Variants in TXLNB observed in about 807,000 individuals in gnomAD.
TXLNB encodes taxilin beta, also known as beta-taxilin.
In TXLNB, 37 loss-of-function variants were observed where a neutral mutation model predicts 57.4. That is an observed-to-expected ratio of 0.64 (90% CI 0.50 to 0.85). TXLNB has a LOEUF of 0.85. Ranked by LOEUF, TXLNB falls within the 40% of genes least tolerant of loss-of-function variation. The pLI is 0.00. For synonymous variants in TXLNB, 302 were observed against 309.6 expected, an observed-to-expected ratio of 0.98 and a Z score of 0.26; for missense variants, 848 against 825.6, an observed-to-expected ratio of 1.03 and a Z score of -0.33.
At chr6:139,196,365 G>GTTTTTT in the TXLNB span, among the ~76,000 whole-genome samples, 9 of 38,992 alleles carry the variant, frequency 2.3e-4, 1 homozygote, top group East Asian at 1.2e-3. Flanking sequence ...TCCAGATCTG[G>GTTTTTT]TTTTTTTTTT....
At chr6:139,292,084 G>GCACACACACACACACACA (rs878855898), upstream of TXLNB, 2 of 144,588 alleles carry the variant, frequency 1.4e-5, no homozygotes, top group South Asian at 2.1e-4. This position sits in a 1 kb window ranked among gnomAD's most constrained non-coding sequence, Gnocchi z 4.0. Context: ...ACGCACGCGC[G>GCACACACACACACACACA]CGCACACACA....
At chr6:139,286,547 C>T (rs531901594) in intron 2 of TXLNB, among the ~76,000 whole-genome samples, 7 of 152,294 alleles carry the variant, frequency 4.6e-5, no homozygotes, top group East Asian at 3.9e-4. Flanking sequence ...CAGTGGCTCA[C>T]GTCTGCAATC....
chr6:139,309,534 C>T, the TXLNB span, among the ~76,000 whole-genome samples: 21 of 152,186 alleles, frequency 1.4e-4, no homozygotes, highest in African/African-American at 5.1e-4. Context: ...TAGCATGTGA[C>T]CTTGTACAAA....
chr6:139,260,931 C>A (rs530984681), intron 5 of TXLNB, among the ~76,000 whole-genome samples: 2 of 152,154 alleles, frequency 1.3e-5, no homozygotes, highest in Non-Finnish European at 1.5e-5. Flanking sequence ...CTTGGGGTGC[C>A]AGCATGTGGT....
At chr6:139,163,398 A>T in the TXLNB span, among the ~76,000 whole-genome samples, 14 of 148,122 alleles carry the variant, frequency 9.5e-5, no homozygotes, top group Non-Finnish European at 1.8e-4. Flanking sequence ...TGTGCCACTC[A>T]GGCTGGTGTG....
At chr6:139,252,039 A>AT (rs11450296) in intron 7 of TXLNB, among the ~76,000 whole-genome samples, 2,232 of 152,266 alleles carry the variant, frequency 0.015, 57 homozygotes, top group African/African-American at 0.051. Flanking sequence ...TGAACACTCG[A>AT]TTTTGTAGTG....
chr6:139,187,160 C>G, the TXLNB span, among the ~76,000 whole-genome samples: 23 of 152,276 alleles, frequency 1.5e-4, no homozygotes, highest in South Asian at 8.3e-4. Context: ...TCTTCTCCCC[C>G]CTGCACCTCC....
At chr6:139,265,000 C>T (rs1414762221) in intron 4 of TXLNB, among the ~76,000 whole-genome samples, 2 of 152,042 alleles carry the variant, frequency 1.3e-5, no homozygotes, top group African/African-American at 4.8e-5. Flanking sequence ...TATTCAAAGT[C>T]AAAATAATGT....
the TXLNB span, among the ~76,000 whole-genome samples, chr6:139,309,988 T>A: frequency 6.6e-6 from 1 of 152,186 alleles, no homozygotes; most frequent in East Asian, 1.9e-4. Context: ...TCGAAACAGA[T>A]AAAGACCTAA....
chr6:139,224,497 G>T, the TXLNB span, among the ~76,000 whole-genome samples: 1 of 151,692 alleles, frequency 6.6e-6, no homozygotes, highest in Non-Finnish European at 1.5e-5. Flanking sequence ...AAAATATTTG[G>T]TCTGTGAACA....
the TXLNB span, among the ~76,000 whole-genome samples, chr6:139,194,008 A>T: frequency 6.7e-6 from 1 of 150,292 alleles, no homozygotes; most frequent in African/African-American, 2.4e-5. Flanking sequence ...CGCCCGGCCA[A>T]TTTTTTGTAT....
chr6:139,229,103 T>G, the TXLNB span, among the ~76,000 whole-genome samples: 1 of 152,186 alleles, frequency 6.6e-6, no homozygotes, highest in African/African-American at 2.4e-5. Context: ...CTTTGCTAAA[T>G]AATTTTTATT....
chr6:139,234,809 A>G, the TXLNB span, among the ~76,000 whole-genome samples: 1 of 152,202 alleles, frequency 6.6e-6, no homozygotes, highest in South Asian at 2.1e-4. Context: ...AAAGTCCTCC[A>G]GACCCCAGAA....
chr6:139,262,862 G>T, intron 4 of TXLNB, 89 bp from the exon 5 acceptor site: 1 of 1,295,500 alleles, frequency 7.7e-7, no homozygotes, highest in Admixed American at 2.5e-5. Flanking sequence ...TAAGTGTGCA[G>T]AGTAGGTGGG....
intron 3 of TXLNB, 45 bp downstream of exon 3, chr6:139,276,785 G>A (rs937919623): frequency 6.9e-7 from 1 of 1,459,430 alleles, no homozygotes; most frequent in East Asian, 2.3e-5. Context: ...AGAGGCACTG[G>A]GCTCACTAAT....
the TXLNB span, chr6:139,169,458 T>TGCTAC: frequency 6.6e-6 from 1 of 152,366 alleles, no homozygotes; most frequent in African/African-American, 2.4e-5. Context: ...TAATTTCTTG[T>TGCTAC]GCTACCTTTG....
intron 2 of TXLNB, among the ~76,000 whole-genome samples, chr6:139,281,618 G>C (rs1777053525): frequency 1.1e-5 from 1 of 94,768 alleles, no homozygotes. Context: ...GCGCGATCTC[G>C]GCTCACTGCA....
upstream of TXLNB, among the ~76,000 whole-genome samples, chr6:139,294,967 C>T (rs1042490844): frequency 1.5e-4 from 23 of 151,378 alleles, no homozygotes; most frequent in Admixed American, 1.2e-3. Context: ...CCAGCCTGGG[C>T]GACAGAGCAA....
At chr6:139,167,009 A>AG in the TXLNB span, 9 of 1,614,090 alleles carry the variant, frequency 5.6e-6, no homozygotes, top group East Asian at 2.2e-5. Context: ...GGCAGTTCAC[A>AG]GGGGGGGACA....
Sources: allele counts gnomAD v4.1 joint callset (sites outside exome capture counted in the v4.1 genomes callset), GRCh38; gene constraint gnomAD v4.1.1; non-coding constraint Gnocchi (gnomAD v3.1); transcripts MANE v1.5; gene names NCBI Gene and HGNC (gene_info 2026-07-23, HGNC 2026-07-21).